CNTNAP5: variants seen among roughly 807,000 people sequenced by gnomAD.
CNTNAP5 encodes contactin-associated protein-like 5.
A neutral mutation model predicts 150.2 loss-of-function variants in CNTNAP5; 72 were observed. The ratio of observed to expected loss-of-function variants is 0.48; its 90% CI spans 0.40 to 0.58. CNTNAP5 has a LOEUF of 0.58. Among genes scored for constraint, CNTNAP5 ranks in the 20% least tolerant of loss-of-function variants. The pLI is 0.00. For synonymous variants in CNTNAP5, 672 were observed against 619.8 expected, an observed-to-expected ratio of 1.08 and a Z score of -1.25; for missense variants, 1,636 against 1,626.2, an observed-to-expected ratio of 1.01 and a Z score of -0.10.
intron 13 of CNTNAP5, among the ~76,000 whole-genome samples, chr2:124,686,801 C>T (rs1168898972): frequency 1.3e-5 from 2 of 152,164 alleles, no homozygotes; most frequent in African/African-American, 4.8e-5. Context: ...CTAGACAAGT[C>T]GACCAGAATT....
In CNTNAP5 at chr2:124,314,973, TCAAA is replaced by T. The variant is rs1309036156; in HGVS notation, c.381+72588_381+72591del. ...TATGCATAAGTATATAATGCATACA[TCAAA>T]CAAACAAGCCTTTTTTTTTTTTGAT... On this transcript the variant is annotated intron_variant, in intron 3 of 23. Transcript: ENST00000682447. Among the ~76,000 whole-genome samples the T allele has an allele frequency of 2.0e-5, 3 of 148,228 alleles. No homozygotes were observed. The East Asian group carries it at 5.9e-4, about 29-fold the overall frequency.
chr2:124,625,683 C>G (rs1385701181), intron 12 of CNTNAP5, among the ~76,000 whole-genome samples: 6 of 152,130 alleles, frequency 3.9e-5, no homozygotes, highest in Admixed American at 3.9e-4. Context: ...CCGGATGGGT[C>G]TTTTCATCTT....
At chr2:124,377,401 C>T (rs1359134834) in intron 3 of CNTNAP5, among the ~76,000 whole-genome samples, 1 of 151,936 alleles carries the variant, frequency 6.6e-6, no homozygotes, top group East Asian at 1.9e-4. Flanking sequence ...TAGGAGCTAC[C>T]AGTAATTTCT....
chr2:124,769,307 C>G lies in CNTNAP5; in HGVS notation c.2534-3492C>G, dbSNP rs116398114. On this transcript the variant is annotated intron_variant, in intron 16 of 23. Coordinates refer to ENST00000682447, the MANE Select transcript of CNTNAP5 (RefSeq NM_001367498.1). Reference sequence around the variant, plus strand: ...CATGCCCTTTCTTTTTTTTATCAGTCTTCTCAAAAGTAAATCATGAACTCA... The same window carrying G: ...CATGCCCTTTCTTTTTTTTATCAGTGTTCTCAAAAGTAAATCATGAACTCA... Among the ~76,000 whole-genome samples, 1,105 of 151,914 alleles carry G rather than the reference C, an allele frequency of 7.3e-3. 12 individuals carry two copies. The highest frequency in any genetic ancestry group is 0.023 in the African/African-American group (955 of 41,434).
intron 1 of CNTNAP5, among the ~76,000 whole-genome samples, chr2:124,033,054 G>T (rs1476339898): frequency 6.6e-6 from 1 of 152,180 alleles, no homozygotes; most frequent in East Asian, 1.9e-4. Context: ...GAAACAAGGG[G>T]AAGTTGGGTG....
intron 1 of CNTNAP5, among the ~76,000 whole-genome samples, chr2:124,090,727 G>A (rs576382390): frequency 3.3e-5 from 5 of 152,266 alleles, no homozygotes; most frequent in African/African-American, 1.2e-4. Flanking sequence ...CATTGTATTA[G>A]CCATGATACG....
intron 2 of CNTNAP5, among the ~76,000 whole-genome samples, chr2:124,241,619 T>TG (rs1686888277): frequency 6.6e-6 from 1 of 152,166 alleles, no homozygotes; most frequent in African/African-American, 2.4e-5. Context: ...AGCATACTCC[T>TG]GGTGCTCAAC....
chr2:124,316,655 A>G (rs1245396883), intron 3 of CNTNAP5, among the ~76,000 whole-genome samples: 1 of 151,772 alleles, frequency 6.6e-6, no homozygotes, highest in Non-Finnish European at 1.5e-5. Flanking sequence ...AATACAAAAA[A>G]TTAGCCGGGA....
intron 13 of CNTNAP5, among the ~76,000 whole-genome samples, chr2:124,681,174 C>T (rs542429760): frequency 1.5e-4 from 23 of 149,534 alleles, no homozygotes; most frequent in Non-Finnish European, 2.1e-4. Flanking sequence ...TGGTGGTGGG[C>T]GCCTCTAATC....
intron 5 of CNTNAP5, among the ~76,000 whole-genome samples, chr2:124,442,666 A>T (rs1374072352): frequency 6.6e-6 from 1 of 152,196 alleles, no homozygotes; most frequent in Admixed American, 6.5e-5. Context: ...AAGGAAAATG[A>T]TAGATTTGTT....
chr2:124,710,548 A>G (rs1288110316), intron 13 of CNTNAP5, among the ~76,000 whole-genome samples: 1 of 151,938 alleles, frequency 6.6e-6, no homozygotes, highest in Admixed American at 6.6e-5. Flanking sequence ...TCAATCCACC[A>G]CTCCATCCAG....
intron 1 of CNTNAP5, among the ~76,000 whole-genome samples, chr2:124,214,538 T>C (rs1686107742): frequency 6.6e-6 from 1 of 152,134 alleles, no homozygotes; most frequent in Admixed American, 6.5e-5. Context: ...CTCAATTAAA[T>C]TGTGTTGATG....
intron 21 of CNTNAP5, among the ~76,000 whole-genome samples, chr2:124,882,874 A>G (rs1456323162): frequency 6.6e-6 from 1 of 152,010 alleles, no homozygotes; most frequent in African/African-American, 2.4e-5. Flanking sequence ...TGCAGTGCAG[A>G]AGGGGAAAAA....
intron 8 of CNTNAP5, among the ~76,000 whole-genome samples, chr2:124,519,716 G>A (rs368627462): frequency 6.6e-6 from 1 of 152,212 alleles, no homozygotes; most frequent in South Asian, 2.1e-4. Context: ...TATATTATTA[G>A]CTATTTTTAC....
chr2:124,167,268 C>T (rs1684829430), intron 1 of CNTNAP5, among the ~76,000 whole-genome samples: 2 of 152,114 alleles, frequency 1.3e-5, no homozygotes, highest in South Asian at 4.1e-4. Flanking sequence ...TTCTGCTCCT[C>T]AACACAAGTT....
chr2:124,035,910 C>CTTTTT lies in CNTNAP5; in HGVS notation c.82+10199_82+10203dup, dbSNP rs759598012. Among the ~76,000 whole-genome samples, 632 of 76,518 alleles carry CTTTTT rather than the reference C, an allele frequency of 8.3e-3. 36 individuals are homozygous for CTTTTT. The highest frequency in any genetic ancestry group is 0.017 in the Middle Eastern group (1 of 58). The allele number at this position is 76,518 out of a possible 152,430, so 50.2% of individuals were successfully genotyped here. A position where few individuals can be genotyped will look rare whatever the true frequency, so the allele number is the denominator to read the frequency against. On this transcript the variant is annotated intron_variant, in intron 1 of 23. Transcript: ENST00000682447. ...GTTGCTGCATTTCCCAGGATGAACT[C>CTTTTT]TTTTTTTTTTTTTTTTTTTTTTTTT...
chr2:124,473,088 T>TA (rs1200855470), intron 6 of CNTNAP5, among the ~76,000 whole-genome samples: 1 of 152,068 alleles, frequency 6.6e-6, no homozygotes, highest in African/African-American at 2.4e-5. Flanking sequence ...ATTTACATGA[T>TA]AAAATGTTTA....
chr2:124,753,246 G>T (rs1300576110), intron 14 of CNTNAP5, among the ~76,000 whole-genome samples: 2 of 152,020 alleles, frequency 1.3e-5, no homozygotes, highest in Admixed American at 6.6e-5. Flanking sequence ...TATTTTTATG[G>T]GATGTTATCT....
At chr2:124,378,150 ATATAT>A in intron 3 of CNTNAP5, among the ~76,000 whole-genome samples, 1 of 152,232 alleles carries the variant, frequency 6.6e-6, no homozygotes, top group South Asian at 2.1e-4. Flanking sequence ...TGGTCCAGGT[ATATAT>A]ATCCATCACA....
Sources: gnomAD v4.1 joint callset for allele counts (sites outside exome capture counted in the v4.1 genomes callset) on GRCh38, gnomAD v4.1.1 for gene constraint, MANE v1.5 for transcripts, NCBI Gene and HGNC (gene_info 2026-07-23, HGNC 2026-07-21) for gene names.